Variants in RBFOX1 observed in about 807,000 individuals in gnomAD.
The protein encoded by RBFOX1 is RNA binding fox-1 homolog 1.
RBFOX1 carries 8 observed loss-of-function variants against 57.7 expected under a neutral mutation model. The observed-to-expected ratio is 0.14, with a 90% CI of 0.08 to 0.25. The LOEUF is 0.25. Among genes scored for constraint, RBFOX1 ranks in the 10% least tolerant of loss-of-function variants. The pLI, the probability that RBFOX1 is intolerant of heterozygous loss-of-function variation, is 1.00. For synonymous variants in RBFOX1, 326 were observed against 222.4 expected, an observed-to-expected ratio of 1.47 and a Z score of -4.15; for missense variants, 611 against 548.5, an observed-to-expected ratio of 1.11 and a Z score of -1.14.
chr16:5,418,511 A>G (rs1352924111), intron 1 of RBFOX1, among the ~76,000 whole-genome samples: 2 of 152,102 alleles, frequency 1.3e-5, no homozygotes, highest in Non-Finnish European at 2.9e-5. Context: ...TTCAGGAGAT[A>G]TTTCTTTCGG....
intron 2 of RBFOX1, among the ~76,000 whole-genome samples, chr16:6,636,089 G>C (rs1315811804): frequency 6.6e-6 from 1 of 152,156 alleles, no homozygotes; most frequent in African/African-American, 2.4e-5. Flanking sequence ...ATCATATGGA[G>C]GTCGGGTATT....
intron 3 of RBFOX1, chr16:7,004,260 A>G (rs1293682652): frequency 6.6e-6 from 1 of 152,214 alleles, no homozygotes; most frequent in Non-Finnish European, 1.5e-5. Context: ...ATAATGCATA[A>G]GAACAACGCA....
intron 4 of RBFOX1, among the ~76,000 whole-genome samples, chr16:7,405,403 C>G (rs547284875): frequency 2.0e-5 from 3 of 152,266 alleles, no homozygotes; most frequent in South Asian, 4.1e-4. Context: ...CCTGTTCCAC[C>G]AGGTGTTGCC....
At chr16:6,749,291 A>C (rs539697305) in intron 3 of RBFOX1, among the ~76,000 whole-genome samples, 1 of 152,274 alleles carries the variant, frequency 6.6e-6, no homozygotes, top group South Asian at 2.1e-4. Context: ...TAATGACATC[A>C]ACCCAATTAA....
At chr16:5,430,698 T>C (rs1332968416) in intron 1 of RBFOX1, among the ~76,000 whole-genome samples, 2 of 152,204 alleles carry the variant, frequency 1.3e-5, no homozygotes, top group Non-Finnish European at 2.9e-5. Context: ...TAAGCAGTAT[T>C]ATGTATAAAC....
At chr16:5,707,324 G>A (rs947768924) in intron 3 of RBFOX1, among the ~76,000 whole-genome samples, 9 of 152,210 alleles carry the variant, frequency 5.9e-5, no homozygotes, top group Non-Finnish European at 1.3e-4. Flanking sequence ...TTCTGCTTCT[G>A]CTGTGTTTGA....
chr16:6,367,552 G>A (rs913288601), intron 2 of RBFOX1, among the ~76,000 whole-genome samples: 2 of 152,096 alleles, frequency 1.3e-5, no homozygotes, highest in Non-Finnish European at 2.9e-5. Context: ...TTACAGGCGT[G>A]AGCCAATGCG....
At chr16:6,066,808 C>G (rs1341372220) in intron 1 of RBFOX1, among the ~76,000 whole-genome samples, 3 of 152,164 alleles carry the variant, frequency 2.0e-5, no homozygotes, top group African/African-American at 7.2e-5. Flanking sequence ...AGTCTCTCTG[C>G]TCATTCTGCC....
intron 2 of RBFOX1, among the ~76,000 whole-genome samples, chr16:5,494,777 C>A (rs904693276): frequency 1.3e-5 from 2 of 152,196 alleles, no homozygotes; most frequent in African/African-American, 4.8e-5. Flanking sequence ...CTTTCGCTCC[C>A]TGGGCATCTG....
chr16:5,696,609 T>G (rs2050851069), intron 3 of RBFOX1, among the ~76,000 whole-genome samples: 1 of 152,206 alleles, frequency 6.6e-6, no homozygotes, highest in Non-Finnish European at 1.5e-5. Context: ...TGCATAGTCC[T>G]TTGCACCTCT....
chr16:6,755,732 A>G lies in RBFOX1; in HGVS notation c.-16+101082A>G, dbSNP rs181678170. On this transcript the variant is annotated intron_variant, in intron 3 of 15. Transcript: ENST00000550418. ...TGGAGTATGATTTCCCTGTTATTCA[A>G]AAACAACTACTTGTCACCCCCTTGT... 2.9e-3 allele frequency among the ~76,000 whole-genome samples: 446 copies of G among 152,280 alleles called. 9 individuals carry two copies. The highest frequency in any genetic ancestry group is 0.026 in the Admixed American group (395 of 15,280).
chr16:6,128,468 G>C (rs1474266354), intron 1 of RBFOX1, among the ~76,000 whole-genome samples: 1 of 152,192 alleles, frequency 6.6e-6, no homozygotes, highest in Non-Finnish European at 1.5e-5. Context: ...GGAGAGAAGG[G>C]AGACACCTAA....
intron 4 of RBFOX1, among the ~76,000 whole-genome samples, chr16:7,160,451 T>A (rs1303957466): frequency 6.6e-6 from 1 of 152,188 alleles, no homozygotes; most frequent in Non-Finnish European, 1.5e-5. Context: ...CACAAAATAA[T>A]GTACATTAAA....
intron 4 of RBFOX1, among the ~76,000 whole-genome samples, chr16:7,460,978 T>C (rs1598975753): frequency 6.6e-6 from 1 of 152,096 alleles, no homozygotes; most frequent in African/African-American, 2.4e-5. Flanking sequence ...CTCCTTGACA[T>C]TGTGGAGAAG....
chr16:7,702,185 G>C (rs1391766274), intron 14 of RBFOX1, among the ~76,000 whole-genome samples: 2 of 152,182 alleles, frequency 1.3e-5, no homozygotes, highest in Non-Finnish European at 2.9e-5. Flanking sequence ...TGGAGATTTT[G>C]GTTGTGTGGT....
chr16:6,853,675 G>C (rs2057267537), intron 3 of RBFOX1, among the ~76,000 whole-genome samples: 1 of 152,148 alleles, frequency 6.6e-6, no homozygotes, highest in South Asian at 2.1e-4. Context: ...AGGCTAATTT[G>C]TGAACCTGTA....
chr16:6,974,983 C>T (rs1354225151), intron 3 of RBFOX1, among the ~76,000 whole-genome samples: 1 of 152,164 alleles, frequency 6.6e-6, no homozygotes, highest in South Asian at 2.1e-4. Context: ...GCTTCTGCTT[C>T]TAATTCTGGA....
intron 1 of RBFOX1, among the ~76,000 whole-genome samples, chr16:6,129,364 G>A (rs948016904): frequency 1.3e-5 from 2 of 152,146 alleles, no homozygotes; most frequent in African/African-American, 4.8e-5. Context: ...GAAAGGAAAT[G>A]TAAAATATTT....
chr16:6,549,468 G>A (rs1235760151), intron 2 of RBFOX1, among the ~76,000 whole-genome samples: 1 of 93,132 alleles, frequency 1.1e-5, no homozygotes, highest in African/African-American at 4.4e-5. Flanking sequence ...AGGAAGTGGG[G>A]AGGAGGGAGG....
Sources: allele counts gnomAD v4.1 joint callset (sites outside exome capture counted in the v4.1 genomes callset), GRCh38; gene constraint gnomAD v4.1.1; transcripts MANE v1.5; gene names NCBI Gene and HGNC (gene_info 2026-07-23, HGNC 2026-07-21).